Variants in RFXANK observed in about 807,000 individuals in gnomAD.
The protein encoded by RFXANK is DNA-binding protein RFXANK.
A neutral mutation model predicts 34.5 loss-of-function variants in RFXANK; 19 were observed. That is an observed-to-expected ratio of 0.55 (90% CI 0.38 to 0.81). The LOEUF is 0.81. Ranked by LOEUF, RFXANK falls within the 30% of genes least tolerant of loss-of-function variation. RFXANK has a pLI of 0.00. For missense variants in RFXANK, 295 were observed against 343.5 expected (o/e 0.86, Z 1.12); for synonymous variants, 154 against 149.8 (o/e 1.03, Z -0.20).
chr19:19,195,737 A>ATTT (rs61553021), intron 3 of RFXANK, among the ~76,000 whole-genome samples: 29 of 105,678 alleles, frequency 2.7e-4, no homozygotes, highest in African/African-American at 3.8e-4. Flanking sequence ...CTGCTTTTAA[A>ATTT]TTTTTTTTTT....
chr19:19,197,553 G>A lies in RFXANK; in HGVS notation c.370G>A (p.Gly124Ser), dbSNP rs377750233. Residue 124 changes from glycine (G) to serine (S), a missense_variant, in exon 6 of 10, where the codon GGC becomes AGC. Transcript: ENST00000303088. ...DNLVNKPDERGFTPLIWASAF... is the reference protein window; with the variant it reads ...DNLVNKPDERSFTPLIWASAF... ...CCTCGTCAACAAGCCAGACGAGCGC[G>A]GCTTCACCCCCCTCATCTGGGCCTC... 60 of 1,613,806 alleles carry A rather than the reference G, an allele frequency of 3.7e-5. No individual in the cohort carries two copies. Among genetic ancestry groups the A allele is most frequent in the Admixed American group, 5.0e-5 (3 of 59,994 alleles).
chr19:19,196,450 T>C (rs2060600289), intron 3 of RFXANK, among the ~76,000 whole-genome samples: 1 of 151,756 alleles, frequency 6.6e-6, no homozygotes, highest in Non-Finnish European at 1.5e-5. Flanking sequence ...TAGTTTCAGC[T>C]GCTCAGGAGG....
intron 3 of RFXANK, among the ~76,000 whole-genome samples, chr19:19,196,060 T>A (rs567194283): frequency 7.9e-5 from 12 of 152,186 alleles, no homozygotes; most frequent in African/African-American, 2.9e-4. Flanking sequence ...TTTTGAACAC[T>A]TATTTCAACT....
At chr19:19,198,902 G>A (rs2060648795) in intron 8 of RFXANK, 179 bp downstream of exon 8, 5 of 777,048 alleles carry the variant, frequency 6.4e-6, no homozygotes, top group South Asian at 2.9e-5. Context: ...CACGGGAGTC[G>A]GGGTCTGGGT....
At chr19:19,198,029 A>T in intron 6 of RFXANK, 78 bp from the exon 7 acceptor site, 13 of 1,465,730 alleles carry the variant, frequency 8.9e-6, no homozygotes, top group Non-Finnish European at 1.2e-5. Context: ...AAAAAAAAAG[A>T]TGCGGCTGCT....
intron 9 of RFXANK, among the ~76,000 whole-genome samples, chr19:19,200,486 T>G (rs1387952161): frequency 2.0e-5 from 3 of 151,620 alleles, no homozygotes; most frequent in Non-Finnish European, 4.4e-5. Context: ...GTGTTGTTGT[T>G]TTTTTAGAAG....
intron 1 of RFXANK, 195 bp downstream of exon 1, chr19:19,192,749 T>A (rs922408342): frequency 1.3e-5 from 2 of 152,408 alleles, no homozygotes; most frequent in Non-Finnish European, 2.9e-5. Context: ...TCCCTCCGAG[T>A]CGGTGAGGAG....
chr19:19,201,504 C>T, intron 9 of RFXANK, 145 bp from the exon 10 acceptor site: 2 of 1,597,644 alleles, frequency 1.3e-6, no homozygotes, highest in Non-Finnish European at 1.7e-6. Flanking sequence ...TGGGGTGAGT[C>T]CTCGGTTCTC....
chr19:19,198,510 G>C (rs1004744836), intron 7 of RFXANK, 147 bp from the exon 8 acceptor site: 31 of 1,029,890 alleles, frequency 3.0e-5, no homozygotes, highest in Middle Eastern at 2.0e-4. Flanking sequence ...CCTGGAGGAA[G>C]GTGTCTAAGC....
chr19:19,197,991 AAC>A, intron 6 of RFXANK, 114 bp from the exon 7 acceptor site: 1 of 1,420,616 alleles, frequency 7.0e-7, no homozygotes. Context: ...CAGCCTGGGC[AAC>A]AGAGCAAGAC....
intron 9 of RFXANK, among the ~76,000 whole-genome samples, chr19:19,200,118 C>T (rs898032647): frequency 3.3e-5 from 5 of 151,960 alleles, no homozygotes; most frequent in Admixed American, 3.3e-4. Flanking sequence ...CCACAGCCTC[C>T]CGAGTAGCTG....
chr19:19,198,082 C>A, intron 6 of RFXANK, 25 bp from the exon 7 acceptor site: 3 of 1,613,312 alleles, frequency 1.9e-6, no homozygotes, highest in Non-Finnish European at 2.5e-6. Flanking sequence ...ATCCATCCTA[C>A]CACTGTCCCT....
In RFXANK at chr19:19,197,648, G is replaced by A. The variant is rs139642567; in HGVS notation, c.438+27G>A. 1,051 of 1,605,124 alleles carry A rather than the reference G, an allele frequency of 6.5e-4. 7 individuals carry two copies. The African/African-American group carries it at 0.012, about 18-fold the overall frequency. ...TGCGTCCCAGCCCAGCTGGGCAGCT[G>A]GGGGGTTCCCGGGGGCCTTAGGGTG... is the stretch of plus-strand genomic sequence containing the variant. On this transcript the variant is annotated intron_variant, in intron 6 of 9. Coordinates refer to ENST00000303088, the MANE Select transcript of RFXANK (RefSeq NM_003721.4).
chr19:19,193,815 G>T, intron 2 of RFXANK, 124 bp from the exon 3 acceptor site: 1 of 1,072,858 alleles, frequency 9.3e-7, no homozygotes, highest in Non-Finnish European at 1.4e-6. Context: ...CCCTGGCTCT[G>T]GTAATTAACC....
intron 2 of RFXANK, 126 bp from the exon 3 acceptor site, chr19:19,193,813 C>G (rs2146460038): frequency 1.9e-6 from 2 of 1,056,624 alleles, no homozygotes; most frequent in South Asian, 2.5e-5. Flanking sequence ...TTCCCTGGCT[C>G]TGGTAATTAA....
rs886054309 is a variant in RFXANK, at chr19:19,198,182, A to G, written c.514A>G (p.Ile172Val). 4 of 1,614,130 alleles carry G rather than the reference A, an allele frequency of 2.5e-6. No homozygotes were observed. The highest frequency in any genetic ancestry group is 1.7e-5 in the Admixed American group (1 of 59,998). Residue 172 changes from isoleucine to valine, a missense_variant, in exon 7 of 10, where the codon ATT becomes GTT. Physicochemically the swap from Ile to Val is conservative, Grantham distance 29. Coordinates refer to ENST00000303088, the MANE Select transcript of RFXANK (RefSeq NM_003721.4). The stretch of plus-strand genomic sequence containing the variant: ...GGCCAGCACAGGCGGCTACACAGAC[A>G]TTGTGGGGCTGCTGCTGGAGCGTGA... ...SLASTGGYTD[I>V]VGLLLERDVD...
chr19:19,196,924 C>A, intron 3 of RFXANK, 39 bp from the exon 4 acceptor site: 1 of 1,551,360 alleles, frequency 6.4e-7, no homozygotes. Flanking sequence ...TCAGAGACAT[C>A]TACTGAGGGG....
At chr19:19,196,069 C>T (rs2146477948) in intron 3 of RFXANK, among the ~76,000 whole-genome samples, 1 of 151,986 alleles carries the variant, frequency 6.6e-6, no homozygotes, top group East Asian at 1.9e-4. Context: ...CTTATTTCAA[C>T]TTGAAGTTTT....
At chr19:19,197,779 C>A in intron 6 of RFXANK, 158 bp downstream of exon 6, 1 of 709,712 alleles carries the variant, frequency 1.4e-6, no homozygotes, top group Non-Finnish European at 2.4e-6. Flanking sequence ...GAGGCCGAGG[C>A]GGGTGGATCA....
Sources: gnomAD v4.1 joint callset for allele counts (sites outside exome capture counted in the v4.1 genomes callset) on GRCh38, gnomAD v4.1.1 for gene constraint, MANE v1.5 for transcripts, NCBI Gene and HGNC (gene_info 2026-07-23, HGNC 2026-07-21) for gene names.